The following CSF3R variants were observed in gnomAD, a reference collection of about 807,000 sequenced individuals.
CSF3R encodes the protein colony stimulating factor 3 receptor, also known as granulocyte colony-stimulating factor receptor.
In CSF3R, 52 loss-of-function variants were observed where a neutral mutation model predicts 84.4. That is an observed-to-expected ratio of 0.62 (90% CI 0.49 to 0.78). The LOEUF (loss-of-function observed/expected upper bound fraction) is 0.78, where lower values mean the gene tolerates loss of function less well. Ranked by LOEUF, CSF3R falls within the 30% of genes least tolerant of loss-of-function variation. CSF3R has a pLI of 0.00. For missense variants in CSF3R, 890 were observed against 1,055.7 expected (o/e 0.84, Z 2.17); for synonymous variants, 384 against 429.1 (o/e 0.89, Z 1.30).
At chr1:36,479,355 GGCAGT>G in intron 3 of CSF3R, 73 bp downstream of exon 3, 1 of 1,350,786 alleles carries the variant, frequency 7.4e-7, no homozygotes, top group South Asian at 1.2e-5. Context: ...GGAGCCATGT[GGCAGT>G]GCAAGGAAAT....
rs373601431 is a variant in CSF3R at position 36,472,514 on chromosome 1, C to T, written c.843+3G>A. 3.1e-6 allele frequency: 5 copies of T among 1,614,092 alleles called. No homozygotes were observed. The highest frequency in any genetic ancestry group is 3.3e-5 in the Admixed American group (2 of 60,006). ...AGGCTCTCCAGGTTGCCCTCTGCCT[C>T]ACCAGTGCCCAGCTGGCTTCTCCAC... is the stretch of plus-strand genomic sequence containing the variant. On this transcript the variant is annotated splice_donor_region_variant and intron_variant, in intron 7 of 16. Transcript: ENST00000373106. This position sits in a 1 kb window ranked among gnomAD's most constrained non-coding sequence, Gnocchi z 5.0.
At chr1:36,477,001 C>G (rs1402991343) in intron 3 of CSF3R, 1 of 151,914 alleles carries the variant, frequency 6.6e-6, no homozygotes. Flanking sequence ...TCTTCTTTCT[C>G]TCTCCCACCC....
At chr1:36,474,012 CT>C in intron 4 of CSF3R, 125 bp from the exon 5 acceptor site, 1 of 1,435,214 alleles carries the variant, frequency 7.0e-7, no homozygotes, top group South Asian at 1.2e-5. Flanking sequence ...GTCTGTCCCC[CT>C]GTCTCCAGGC....
Position 36,466,868 on chromosome 1 carries a change from G to T in CSF3R, c.2041-41C>A. The T allele has an allele frequency of 6.2e-7, 1 of 1,614,040 alleles. No homozygotes were observed. Among genetic ancestry groups the T allele is most frequent in the Non-Finnish European group, 8.5e-7 (1 of 1,180,004 alleles). The stretch of plus-strand genomic sequence containing the variant: ...TGGGGTGAGAGCACGGCTCATTTCA[G>T]ATGTCTGCCCCAGCCACTGTCCCTG... On this transcript the variant is annotated intron_variant, in intron 16 of 16. Transcript: ENST00000373106. The surrounding 1 kb of genome is among the most constrained non-coding windows in gnomAD (Gnocchi z 4.6).
In CSF3R at chr1:36,479,436, C is replaced by G; in HGVS notation, c.61G>C (p.Gly21Arg). The change falls in exon 3 of 17, where the codon GGA becomes CGA. Residue 21 changes from glycine (G) to arginine (R), a missense_variant. Gly to Arg is a moderately radical substitution (Grantham distance 125). Coordinates refer to ENST00000373106, the MANE Select transcript of CSF3R (RefSeq NM_000760.4). ...CCTCATCCTTGGCCATACTCACTTCCGGGGAGCAGCAGGATGATCAGGGCA... is the reference window on the plus strand; with the variant it reads ...CCTCATCCTTGGCCATACTCACTTCGGGGGAGCAGCAGGATGATCAGGGCA... ...WAALIILLLPGSLEECGHISV... is the reference protein window; with the variant it reads ...WAALIILLLPRSLEECGHISV... 3 of 1,614,142 alleles carry G rather than the reference C, an allele frequency of 1.9e-6. No homozygotes were observed. Among genetic ancestry groups the G allele is most frequent in the Non-Finnish European group, 2.5e-6 (3 of 1,180,008 alleles).
chr1:36,482,474 G>A (rs1045127028), intron 1 of CSF3R, among the ~76,000 whole-genome samples: 7 of 152,106 alleles, frequency 4.6e-5, no homozygotes, highest in South Asian at 2.1e-4. Flanking sequence ...AGACCCAGAC[G>A]GGGAGGGGTT....
intron 3 of CSF3R, 107 bp downstream of exon 3, chr1:36,479,326 G>A (rs1651373305): frequency 8.9e-7 from 1 of 1,126,382 alleles, no homozygotes; most frequent in African/African-American, 1.5e-5. Context: ...GAATCTTGTG[G>A]GATTCTCTGG....
In CSF3R at chr1:36,467,008, C is replaced by G. The variant is rs561923061; in HGVS notation, c.2041-181G>C. On this transcript the variant is annotated intron_variant, in intron 16 of 16. Transcript: ENST00000373106. This position sits in a 1 kb window ranked among gnomAD's most constrained non-coding sequence, Gnocchi z 4.1. ...CACATGCCTGACACATGCCATGCAC[C>G]GTTCAGACTCAGCATGGTCAGTTTT... The G allele has an allele frequency of 6.9e-7, 1 of 1,454,626 alleles. No individual in the cohort carries two copies. The highest frequency in any genetic ancestry group is 9.5e-7 in the Non-Finnish European group (1 of 1,056,864). 90.1% of individuals were successfully genotyped at this position (1,454,626 alleles called of 1,614,324 possible). A position where few individuals can be genotyped will look rare whatever the true frequency, so the allele number is the denominator to read the frequency against.
rs574445345 is a variant in CSF3R at position 36,470,615 on chromosome 1, T to A, written c.1286-775A>T. Among the ~76,000 whole-genome samples the A allele has an allele frequency of 1.2e-3, 184 of 152,352 alleles. 1 individual carries two copies. The highest frequency in any genetic ancestry group is 2.2e-3 in the Non-Finnish European group (153 of 68,034). On this transcript the variant is annotated intron_variant, in intron 10 of 16. Transcript: ENST00000373106. ...AGAAACTTGTCTAAGATCACACAGC[T>A]AGTAAGTGGGAATATTAGCTATGAT...
chr1:36,478,049 C>T (rs1054911433), intron 3 of CSF3R, among the ~76,000 whole-genome samples: 33 of 152,018 alleles, frequency 2.2e-4, no homozygotes, highest in African/African-American at 7.2e-4. Context: ...TGAGCCACCG[C>T]GCCCGGCCCA....
chr1:36,466,999 G>A lies in CSF3R; in HGVS notation c.2041-172C>T. 6.7e-7 allele frequency: 1 copy of A among 1,500,076 alleles called. No individual in the cohort carries two copies. 92.9% of individuals were successfully genotyped at this position (1,500,076 alleles called of 1,614,324 possible). On this transcript the variant is annotated intron_variant, in intron 16 of 16. Transcript: ENST00000373106. The surrounding 1 kb of genome is among the most constrained non-coding windows in gnomAD (Gnocchi z 4.6). ...TGTTCCTCACACATGCCTGACACAT[G>A]CCATGCACCGTTCAGACTCAGCATG...
In CSF3R at chr1:36,472,187, G is replaced by T; in HGVS notation, c.998-48C>A. On this transcript the variant is annotated intron_variant, in intron 8 of 16. Coordinates refer to ENST00000373106, the MANE Select transcript of CSF3R (RefSeq NM_000760.4). The surrounding 1 kb of genome is among the most constrained non-coding windows in gnomAD (Gnocchi z 5.0). The stretch of plus-strand genomic sequence containing the variant: ...GGGTGCCAGTTGGGGAGGGGCCTGG[G>T]GCCTGGACTGGATACTGTTGGCTGC... The T allele has an allele frequency of 6.2e-7, 1 of 1,613,856 alleles. No individual in the cohort carries two copies. The highest frequency in any genetic ancestry group is 8.5e-7 in the Non-Finnish European group (1 of 1,179,874).
chr1:36,481,451 G>T (rs948372558), intron 2 of CSF3R, 27 bp downstream of exon 2: 1 of 152,240 alleles, frequency 6.6e-6, no homozygotes, highest in Middle Eastern at 3.1e-3. Flanking sequence ...CAGGTCACCT[G>T]ACTTGATCTC....
intron 12 of CSF3R, 106 bp from the exon 13 acceptor site, chr1:36,468,327 T>G (rs943299460): frequency 1.6e-6 from 2 of 1,224,694 alleles, no homozygotes; most frequent in South Asian, 3.1e-5. Context: ...GAGAAAAGAG[T>G]CCAAGGGGAC....
At position 36,466,556 on chromosome 1, in the gene CSF3R, T is replaced by G; in HGVS notation, c.2312A>C (p.Asp771Ala). The change falls in exon 17 of 17, where the codon GAC (aspartate) becomes GCC (alanine). Residue 771 changes from aspartate (D) to alanine (A), a missense_variant. Coordinates refer to ENST00000373106, the MANE Select transcript of CSF3R (RefSeq NM_000760.4). This position sits in a 1 kb window ranked among gnomAD's most constrained non-coding sequence, Gnocchi z 4.6. ...SPGPGHYLRC[D>A]STQPLLAGLT... ...GCCCGCCAAGAGGGGCTGAGTGGAG[T>G]CACAGCGGAGATAGTGCCCTGGCCC... 1 of 1,608,868 alleles carries G rather than the reference T, an allele frequency of 6.2e-7. No individual in the cohort carries two copies.
chr1:36,471,194 C>T (rs926360760), intron 10 of CSF3R, among the ~76,000 whole-genome samples: 32 of 152,122 alleles, frequency 2.1e-4, no homozygotes, highest in South Asian at 1.2e-3. Flanking sequence ...TACAGGTGCC[C>T]GCCACTATGC....
chr1:36,466,402 C>T lies in CSF3R; in HGVS notation c.2466G>A (p.Leu822=). Residue 822 remains leucine, a synonymous_variant, in exon 17 of 17, where the codon CTG becomes CTA. Coordinates refer to ENST00000373106, the MANE Select transcript of CSF3R (RefSeq NM_000760.4). This position sits in a 1 kb window ranked among gnomAD's most constrained non-coding sequence, Gnocchi z 4.6. ...VFGPLLNFPL[L]QGIRVHGMEA... is the part of the protein sequence containing the mutation. ...CCATCCCATGGACCCGGATCCCCTG[C>T]AGGAGGGGGAAGTTGAGCAGTGGCC... is the stretch of plus-strand genomic sequence containing the variant. 1.2e-6 allele frequency: 2 copies of T among 1,613,626 alleles called. No homozygotes were observed. The highest frequency in any genetic ancestry group is 1.7e-6 in the Non-Finnish European group (2 of 1,179,992).
Position 36,467,087 on chromosome 1 carries a change from A to G in CSF3R, c.2040+143T>C. 4 of 1,241,070 alleles carry G rather than the reference A, an allele frequency of 3.2e-6. No individual in the cohort carries two copies. The highest frequency in any genetic ancestry group is 1.9e-4 in the Middle Eastern group (1 of 5,340). 76.9% of individuals were successfully genotyped at this position (1,241,070 alleles called of 1,614,324 possible). A position where few individuals can be genotyped will look rare whatever the true frequency, so the allele number is the denominator to read the frequency against. ...TTGAGATGGACAGAGGTGGGATTCA[A>G]AGTTGGGTCTGCTTCAGTCCAAAGG... On this transcript the variant is annotated intron_variant, in intron 16 of 16. Transcript: ENST00000373106. The surrounding 1 kb of genome is among the most constrained non-coding windows in gnomAD (Gnocchi z 4.1).
At chr1:36,475,228 A>G in intron 4 of CSF3R, 149 bp downstream of exon 4, 1 of 953,564 alleles carries the variant, frequency 1.0e-6, no homozygotes, top group South Asian at 1.3e-5. Flanking sequence ...GCTGATCATG[A>G]ACTCCTGACC....
Sources: allele counts gnomAD v4.1 joint callset (sites outside exome capture counted in the v4.1 genomes callset), GRCh38; gene constraint gnomAD v4.1.1; non-coding constraint Gnocchi (gnomAD v3.1); transcripts MANE v1.5; gene names NCBI Gene and HGNC (gene_info 2026-07-23, HGNC 2026-07-21).